SESN2: variants seen among roughly 807,000 people sequenced by gnomAD.
The protein encoded by SESN2 is sestrin 2.
SESN2 carries 42 observed loss-of-function variants against 56.0 expected under a neutral mutation model. That is an observed-to-expected ratio of 0.75 (90% CI 0.59 to 0.97). The LOEUF is 0.97. Ranked by LOEUF, SESN2 falls within the 50% of genes least tolerant of loss-of-function variation. SESN2 has a pLI of 0.00. For missense variants in SESN2, 507 were observed against 649.4 expected (o/e 0.78, Z 2.38); for synonymous variants, 264 against 267.1 (o/e 0.99, Z 0.11).
At chr1:28,276,122 G>A (rs1041064490) in intron 8 of SESN2, among the ~76,000 whole-genome samples, 2 of 131,656 alleles carry the variant, frequency 1.5e-5, no homozygotes, top group Admixed American at 7.2e-5. Context: ...GCTCCAGCCT[G>A]GGCAACAGAG....
chr1:28,274,208 G>A, intron 7 of SESN2, 50 bp downstream of exon 7: 4 of 1,185,660 alleles, frequency 3.4e-6, no homozygotes, highest in Non-Finnish European at 5.1e-6. Context: ...TTACGAACAA[G>A]CAGTGGGTGG....
chr1:28,264,499 G>C (rs1449540775), intron 1 of SESN2, among the ~76,000 whole-genome samples: 1 of 151,898 alleles, frequency 6.6e-6, no homozygotes, highest in Non-Finnish European at 1.5e-5. Flanking sequence ...CCCAACACTG[G>C]TTCTCCCTCT....
chr1:28,269,076 T>C lies in SESN2; in HGVS notation c.91-107T>C, dbSNP rs565278889. 5.6e-6 allele frequency: 4 copies of C among 708,606 alleles called. No homozygotes were observed. The East Asian group carries it at 1.2e-4, about 21-fold the overall frequency. The allele number at this position is 708,606 out of a possible 1,614,324, so 43.9% of individuals were successfully genotyped here. A position where few individuals can be genotyped will look rare whatever the true frequency, so the allele number is the denominator to read the frequency against. The stretch of plus-strand genomic sequence containing the variant: ...ATCCAAAGTATGCTAGAAAGGTGGG[T>C]TTAACACTTCAGTGTAGCCCCTTGG... On this transcript the variant is annotated intron_variant, in intron 1 of 9. Transcript: ENST00000253063.
intron 1 of SESN2, among the ~76,000 whole-genome samples, chr1:28,264,807 G>T (rs529786077): frequency 1.3e-5 from 2 of 152,122 alleles, no homozygotes; most frequent in South Asian, 4.1e-4. Context: ...AATTCTGTTG[G>T]ACTGTGCTAT....
At chr1:28,264,275 C>T (rs569476200) in intron 1 of SESN2, among the ~76,000 whole-genome samples, 2 of 151,800 alleles carry the variant, frequency 1.3e-5, no homozygotes, top group African/African-American at 2.4e-5. Context: ...GCCAAGATCA[C>T]GCAACTGCAC....
intron 7 of SESN2, 61 bp downstream of exon 7, chr1:28,274,219 A>AG: frequency 9.1e-7 from 1 of 1,099,790 alleles, no homozygotes; most frequent in Non-Finnish European, 1.4e-6. Context: ...CAGTGGGTGG[A>AG]TAGTTTGAGT....
intron 8 of SESN2, among the ~76,000 whole-genome samples, chr1:28,276,785 G>A (rs1648062058): frequency 6.7e-6 from 1 of 150,220 alleles, no homozygotes; most frequent in African/African-American, 2.4e-5. Context: ...CTCCATGTTG[G>A]CCAGGCTGGT....
intron 8 of SESN2, among the ~76,000 whole-genome samples, chr1:28,277,123 G>A (rs1179173897): frequency 1.3e-5 from 2 of 150,430 alleles, no homozygotes; most frequent in Non-Finnish European, 2.9e-5. Flanking sequence ...TAGCCAGGAT[G>A]GTCTTGATCT....
chr1:28,260,713 C>G (rs554053661), intron 1 of SESN2, among the ~76,000 whole-genome samples: 67 of 152,076 alleles, frequency 4.4e-4, no homozygotes, highest in African/African-American at 1.5e-3. Flanking sequence ...CTCCACCCCC[C>G]CGCATTCGCA....
Position 28,271,811 on chromosome 1 carries a change from C to T in SESN2, c.294C>T (p.Tyr98=). The change falls in exon 3 of 10, where the codon TAC becomes TAT. Residue 98 remains tyrosine (Y), a synonymous_variant. Transcript: ENST00000253063. The part of the protein sequence containing the change: ...DYFTSFWRLH[Y]LLLHTDGPLA... ...TTACCAGCTTCTGGCGCCTGCACTA[C>T]CTGCTGCTGCACACGGATGGTCCCT... is the stretch of plus-strand genomic sequence containing the variant. 6.2e-7 allele frequency: 1 copy of T among 1,614,190 alleles called. No individual in the cohort carries two copies. The highest frequency in any genetic ancestry group is 8.5e-7 in the Non-Finnish European group (1 of 1,180,038).
intron 1 of SESN2, among the ~76,000 whole-genome samples, chr1:28,265,999 T>C (rs1174674225): frequency 1.3e-5 from 2 of 152,250 alleles, no homozygotes; most frequent in Admixed American, 6.5e-5. Flanking sequence ...TTTGAAATCC[T>C]GTTTATCAGA....
intron 3 of SESN2, 46 bp downstream of exon 3, chr1:28,271,917 G>C (rs552862772): frequency 1.3e-5 from 21 of 1,570,926 alleles, no homozygotes; most frequent in Non-Finnish European, 1.8e-5. Flanking sequence ...CTTTGTGGTG[G>C]GTTCTGTCCT....
chr1:28,270,345 C>T (rs1327378649), intron 2 of SESN2, among the ~76,000 whole-genome samples: 4 of 148,618 alleles, frequency 2.7e-5, no homozygotes, highest in African/African-American at 5.0e-5. Flanking sequence ...AGTGAGACTC[C>T]GTCTCAAAAA....
At chr1:28,277,730 G>T (rs1048742449) in intron 8 of SESN2, among the ~76,000 whole-genome samples, 4 of 151,972 alleles carry the variant, frequency 2.6e-5, no homozygotes, top group Non-Finnish European at 5.9e-5. Flanking sequence ...AAAAAGGTAC[G>T]TGCTCCTTGT....
In SESN2 at chr1:28,267,824, C is replaced by T. The variant is rs143476527; in HGVS notation, c.91-1359C>T. Among the ~76,000 whole-genome samples the T allele has an allele frequency of 1.1e-4, 17 of 152,296 alleles. No individual in the cohort carries two copies. The East Asian group carries it at 3.1e-3, about 28-fold the overall frequency. On this transcript the variant is annotated intron_variant, in intron 1 of 9. Transcript: ENST00000253063. ...TTGTACACCCTGCTCAGATTCCCTCCGTGCCTTTCTGCTTTCTCTGTCTTC... is the reference window on the plus strand; with the variant it reads ...TTGTACACCCTGCTCAGATTCCCTCTGTGCCTTTCTGCTTTCTCTGTCTTC...
intron 1 of SESN2, among the ~76,000 whole-genome samples, chr1:28,265,492 C>T (rs977240446): frequency 2.0e-5 from 3 of 152,160 alleles, no homozygotes; most frequent in African/African-American, 7.2e-5. Context: ...CTCCTGGGTT[C>T]AAGCAATTCT....
chr1:28,265,625 C>T (rs769730285), intron 1 of SESN2, among the ~76,000 whole-genome samples: 1 of 152,136 alleles, frequency 6.6e-6, no homozygotes, highest in Non-Finnish European at 1.5e-5. Context: ...GAACTCCCAA[C>T]CTCTGGTGAT....
In SESN2 at chr1:28,280,959, A is replaced by G. The variant is rs1557737161; in HGVS notation, c.*157A>G. The stretch of plus-strand genomic sequence containing the variant: ...CGAAGCCACACCCTCCCTTTTCCTC[A>G]CTGGAATGGACAGTTCATTGCACTG... On this transcript the variant is annotated 3_prime_UTR_variant, in exon 10 of 10. Coordinates refer to ENST00000253063, the MANE Select transcript of SESN2 (RefSeq NM_031459.5). 1 of 612,910 alleles carries G rather than the reference A, an allele frequency of 1.6e-6. No individual in the cohort carries two copies. 38.0% of individuals were successfully genotyped at this position (612,910 alleles called of 1,614,324 possible).
intron 8 of SESN2, 28 bp downstream of exon 8, chr1:28,275,043 A>G (rs1647982041): frequency 1.3e-6 from 2 of 1,545,126 alleles, no homozygotes; most frequent in Non-Finnish European, 1.8e-6. Context: ...CATTTGGGGC[A>G]TGTGTGCACT....
Sources: gnomAD v4.1 joint callset for allele counts (sites outside exome capture counted in the v4.1 genomes callset) on GRCh38, gnomAD v4.1.1 for gene constraint, MANE v1.5 for transcripts, NCBI Gene and HGNC (gene_info 2026-07-23, HGNC 2026-07-21) for gene names.